Variants in FSTL5 observed in about 807,000 individuals in gnomAD.
FSTL5 encodes the protein follistatin like 5.
A neutral mutation model predicts 89.1 loss-of-function variants in FSTL5; 62 were observed. That is an observed-to-expected ratio of 0.70 (90% CI 0.57 to 0.86). FSTL5 has a LOEUF of 0.86. Among genes scored for constraint, FSTL5 ranks in the 40% least tolerant of loss-of-function variants. FSTL5 has a pLI of 0.00. For missense variants in FSTL5, 1,057 were observed against 1,001.6 expected (o/e 1.06, Z -0.75); for synonymous variants, 383 against 346.2 (o/e 1.11, Z -1.18).
At chr4:161,621,433 T>TA (rs1735120942) in intron 7 of FSTL5, among the ~76,000 whole-genome samples, 1 of 152,050 alleles carries the variant, frequency 6.6e-6, no homozygotes, top group Admixed American at 6.6e-5. Flanking sequence ...CATACAAATT[T>TA]AAAAGGTTGC....
intron 4 of FSTL5, among the ~76,000 whole-genome samples, chr4:161,793,635 G>A (rs767114401): frequency 1.3e-5 from 2 of 149,680 alleles, no homozygotes; most frequent in Non-Finnish European, 3.0e-5. Flanking sequence ...CTGAGATGGA[G>A]TCTCACTCTG....
chr4:161,526,521 C>G (rs542041890), intron 10 of FSTL5, among the ~76,000 whole-genome samples: 1 of 152,242 alleles, frequency 6.6e-6, no homozygotes, highest in East Asian at 1.9e-4. Context: ...AGTCCTTGCC[C>G]ATGCCTATGT....
intron 4 of FSTL5, among the ~76,000 whole-genome samples, chr4:161,783,844 C>A (rs2126812828): frequency 6.7e-6 from 1 of 149,194 alleles, no homozygotes; most frequent in Non-Finnish European, 1.5e-5. Context: ...TGGCTCACTG[C>A]AACCTCTGCC....
At chr4:161,461,944 A>C (rs1249081466) in intron 13 of FSTL5, among the ~76,000 whole-genome samples, 1 of 152,180 alleles carries the variant, frequency 6.6e-6, no homozygotes, top group East Asian at 1.9e-4. Flanking sequence ...TAAAAAAAAA[A>C]ATCTCATTGT....
At chr4:161,589,642 AAAC>A (rs1302673085) in intron 7 of FSTL5, among the ~76,000 whole-genome samples, 2 of 152,000 alleles carry the variant, frequency 1.3e-5, no homozygotes, top group East Asian at 1.9e-4. Context: ...TGAAATCAGG[AAAC>A]AACAGCAGTT....
At chr4:161,479,593 C>T (rs777682731) in intron 13 of FSTL5, among the ~76,000 whole-genome samples, 30 of 152,064 alleles carry the variant, frequency 2.0e-4, no homozygotes, top group Non-Finnish European at 3.4e-4. Flanking sequence ...TAGTCAAAAT[C>T]CAACAGTCTC....
chr4:161,742,396 G>C (rs757166541), intron 6 of FSTL5, among the ~76,000 whole-genome samples: 11 of 152,188 alleles, frequency 7.2e-5, no homozygotes. Context: ...ATTGAGGACA[G>C]AGAGAGGGGA....
At chr4:162,158,386 G>A (rs913717257) in intron 1 of FSTL5, among the ~76,000 whole-genome samples, 8 of 151,924 alleles carry the variant, frequency 5.3e-5, no homozygotes, top group African/African-American at 1.9e-4. Context: ...ACCCCTTAAG[G>A]TCTTTGGTAT....
chr4:161,929,330 T>A (rs1001336971), intron 3 of FSTL5, among the ~76,000 whole-genome samples: 3 of 151,546 alleles, frequency 2.0e-5, no homozygotes, highest in African/African-American at 7.3e-5. Context: ...TCTTTTTTTG[T>A]CTTTCCTTTC....
intron 4 of FSTL5, among the ~76,000 whole-genome samples, chr4:161,791,718 G>T (rs777444786): frequency 1.4e-4 from 21 of 152,198 alleles, no homozygotes; most frequent in Non-Finnish European, 2.8e-4. Flanking sequence ...AGTCTGATCT[G>T]ATTTGCTGAC....
At chr4:161,730,696 C>A (rs183994039) in intron 6 of FSTL5, among the ~76,000 whole-genome samples, 2 of 152,272 alleles carry the variant, frequency 1.3e-5, no homozygotes, top group Admixed American at 6.5e-5. Context: ...GATACAGTGT[C>A]CATTACCCAG....
intron 4 of FSTL5, among the ~76,000 whole-genome samples, chr4:161,802,471 C>T (rs538695474): frequency 4.6e-5 from 7 of 151,564 alleles, no homozygotes; most frequent in East Asian, 3.9e-4. Flanking sequence ...CTGTTCTACT[C>T]GCATATACAT....
chr4:161,747,118 T>C (rs1294766690), intron 6 of FSTL5, among the ~76,000 whole-genome samples: 1 of 152,240 alleles, frequency 6.6e-6, no homozygotes, highest in South Asian at 2.1e-4. Flanking sequence ...TCCATTTTTG[T>C]ATTTGTAGTA....
intron 4 of FSTL5, among the ~76,000 whole-genome samples, chr4:161,854,177 A>G (rs1731646769): frequency 6.6e-6 from 1 of 152,146 alleles, no homozygotes; most frequent in Non-Finnish European, 1.5e-5. Flanking sequence ...GAATCTTAGG[A>G]AGGACTTCTG....
rs150429396 is a variant in FSTL5 at position 161,538,294 on chromosome 4, C to A, written c.1184G>T (p.Gly395Val). The change falls in exon 10 of 16, where the codon GGC becomes GTC. Residue 395 changes from glycine (G) to valine (V), a missense_variant. By Grantham distance (109) the Gly-to-Val change is moderately radical. Coordinates refer to ENST00000306100, the MANE Select transcript of FSTL5 (RefSeq NM_020116.5). ...CACATTGCTTATGTGAACCTCACTG[C>A]CATTTGCTGAAAAAAGAAGGGAAAT... ...LSKQLTLQAN[G>V]SEVHISNVRY... is the part of the protein sequence containing the mutation. 6.9e-5 allele frequency: 111 copies of A among 1,613,402 alleles called. No homozygotes were observed. Among genetic ancestry groups the A allele is most frequent in the African/African-American group, 2.4e-4 (18 of 74,852 alleles).
chr4:161,606,811 G>A (rs1453634322), intron 7 of FSTL5, among the ~76,000 whole-genome samples: 2 of 152,022 alleles, frequency 1.3e-5, no homozygotes, highest in Non-Finnish European at 2.9e-5. Flanking sequence ...GGGAGACTGT[G>A]AATCTAAATT....
intron 2 of FSTL5, among the ~76,000 whole-genome samples, chr4:162,079,178 G>T (rs1322361034): frequency 6.6e-6 from 1 of 151,688 alleles, no homozygotes; most frequent in Non-Finnish European, 1.5e-5. Flanking sequence ...AAGTGTAGGT[G>T]GTGGTTAGCT....
chr4:161,678,522 A>G (rs753411889), intron 6 of FSTL5, among the ~76,000 whole-genome samples: 5 of 151,936 alleles, frequency 3.3e-5, no homozygotes, highest in Non-Finnish European at 5.9e-5. Context: ...TACAATTAAA[A>G]GAGTCAAGTT....
At chr4:162,087,742 G>T (rs984423040) in intron 2 of FSTL5, among the ~76,000 whole-genome samples, 1 of 152,122 alleles carries the variant, frequency 6.6e-6, no homozygotes, top group African/African-American at 2.4e-5. Context: ...CCACAGTGCT[G>T]CTTTGGAGGT....
Sources: allele counts gnomAD v4.1 joint callset (sites outside exome capture counted in the v4.1 genomes callset), GRCh38; gene constraint gnomAD v4.1.1; transcripts MANE v1.5; gene names NCBI Gene and HGNC (gene_info 2026-07-23, HGNC 2026-07-21).